PDE3A: variants seen among roughly 807,000 people sequenced by gnomAD.
PDE3A encodes the protein cGMP-inhibited 3',5'-cyclic phosphodiesterase 3A.
In PDE3A, 43 loss-of-function variants were observed where a neutral mutation model predicts 98.3. The observed-to-expected ratio is 0.44, with a 90% confidence interval of 0.34 to 0.56. The LOEUF is 0.56. Among genes scored for constraint, PDE3A ranks in the 20% least tolerant of loss-of-function variants. PDE3A has a pLI of 0.01. For synonymous variants in PDE3A, 663 were observed against 567.9 expected (o/e 1.17, Z -2.38); for missense variants, 1,427 against 1,440.7 (o/e 0.99, Z 0.15).
chr12:20,408,487 G>C (rs2120696161), intron 1 of PDE3A, among the ~76,000 whole-genome samples: 1 of 152,206 alleles, frequency 6.6e-6, no homozygotes. Flanking sequence ...ATTAAGGACA[G>C]CACTTCACAG....
intron 1 of PDE3A, among the ~76,000 whole-genome samples, chr12:20,519,533 T>C (rs1024934734): frequency 2.0e-5 from 3 of 152,362 alleles, no homozygotes; most frequent in African/African-American, 4.8e-5. Context: ...TTGATGTATA[T>C]ATTCATTAAG....
At position 20,646,929 on chromosome 12, in the gene PDE3A, G is replaced by C; in HGVS notation, c.2544G>C (p.Leu848=). The part of the protein sequence containing the change: ...YDHPGRTNAF[L]VATSAPQAVL... Reference sequence around the variant, plus strand: ...ATCCAGGAAGGACTAATGCTTTCCTGGTTGCAACTAGTGCTCCTCAGGTAA... The same window carrying C: ...ATCCAGGAAGGACTAATGCTTTCCTCGTTGCAACTAGTGCTCCTCAGGTAA... Residue 848 remains leucine (L), a synonymous_variant, in exon 12 of 16, where the codon CTG becomes CTC. Coordinates refer to ENST00000359062, the MANE Select transcript of PDE3A (RefSeq NM_000921.5). 1 of 1,613,344 alleles carries C rather than the reference G, an allele frequency of 6.2e-7. No homozygotes were observed. The highest frequency in any genetic ancestry group is 8.5e-7 in the Non-Finnish European group (1 of 1,179,330).
intron 7 of PDE3A, among the ~76,000 whole-genome samples, chr12:20,634,313 G>C (rs1476344387): frequency 1.3e-5 from 2 of 152,188 alleles, no homozygotes; most frequent in South Asian, 2.1e-4. Flanking sequence ...CAGTTGCTCA[G>C]AGAGGATAGA....
At chr12:20,374,697 G>T (rs187974060) in intron 1 of PDE3A, among the ~76,000 whole-genome samples, 17 of 151,978 alleles carry the variant, frequency 1.1e-4, no homozygotes, top group Non-Finnish European at 2.2e-4. Context: ...ATTCTGTCAA[G>T]GTAGGATGTT....
intron 1 of PDE3A, among the ~76,000 whole-genome samples, chr12:20,384,362 G>A (rs1462780718): frequency 6.6e-6 from 1 of 151,704 alleles, no homozygotes; most frequent in South Asian, 2.1e-4. Context: ...AACGTTTTGT[G>A]TAATAAAAGT....
At chr12:20,649,993 T>G (rs1944877648) in intron 13 of PDE3A, among the ~76,000 whole-genome samples, 1 of 152,148 alleles carries the variant, frequency 6.6e-6, no homozygotes, top group African/African-American at 2.4e-5. Flanking sequence ...GCTAATTCAA[T>G]AATTAATGAT....
chr12:20,650,652 G>C (rs764586361), intron 14 of PDE3A, 52 bp downstream of exon 14: 1 of 1,174,384 alleles, frequency 8.5e-7, no homozygotes, highest in Non-Finnish European at 1.2e-6. Context: ...GGTTGCTCAT[G>C]AATTGCTCAA....
intron 1 of PDE3A, among the ~76,000 whole-genome samples, chr12:20,397,529 G>A (rs1329408935): frequency 6.6e-6 from 1 of 151,852 alleles, no homozygotes; most frequent in East Asian, 1.9e-4. Flanking sequence ...AATATATTGT[G>A]TAAGTATACA....
At chr12:20,466,735 A>G (rs1945345431) in intron 1 of PDE3A, among the ~76,000 whole-genome samples, 1 of 152,228 alleles carries the variant, frequency 6.6e-6, no homozygotes, top group South Asian at 2.1e-4. Context: ...AAGTATGACT[A>G]TATAATTGTG....
intron 1 of PDE3A, among the ~76,000 whole-genome samples, chr12:20,501,151 C>T (rs949675999): frequency 2.0e-5 from 3 of 152,152 alleles, no homozygotes; most frequent in Admixed American, 6.6e-5. Flanking sequence ...ATTCATGGTT[C>T]AGGCATACAA....
chr12:20,459,635 A>T (rs1229608902), intron 1 of PDE3A, among the ~76,000 whole-genome samples: 1 of 152,202 alleles, frequency 6.6e-6, no homozygotes, highest in East Asian at 1.9e-4. Context: ...GTGTACATTC[A>T]TACATATACA....
intron 1 of PDE3A, among the ~76,000 whole-genome samples, chr12:20,370,567 C>G (rs939360982): frequency 6.6e-6 from 1 of 152,040 alleles, no homozygotes; most frequent in East Asian, 1.9e-4. Flanking sequence ...CTTGCCTACT[C>G]TTTTCAGTAC....
chr12:20,401,456 G>C (rs1296858764), intron 1 of PDE3A, among the ~76,000 whole-genome samples: 1 of 152,020 alleles, frequency 6.6e-6, no homozygotes, highest in African/African-American at 2.4e-5. Context: ...ATTTTAAACT[G>C]CTACTGCCTT....
chr12:20,374,462 C>T (rs1229810329), intron 1 of PDE3A, among the ~76,000 whole-genome samples: 1 of 151,940 alleles, frequency 6.6e-6, no homozygotes, highest in Non-Finnish European at 1.5e-5. Context: ...AGAACAGTGA[C>T]TCTGTGTATG....
chr12:20,453,862 A>G (rs1945110489), intron 1 of PDE3A, among the ~76,000 whole-genome samples: 1 of 152,138 alleles, frequency 6.6e-6, no homozygotes. Flanking sequence ...CACAGTTACC[A>G]TCATCTGTTG....
chr12:20,634,048 C>A (rs1944445078), intron 7 of PDE3A, among the ~76,000 whole-genome samples: 1 of 152,112 alleles, frequency 6.6e-6, no homozygotes, highest in African/African-American at 2.4e-5. Context: ...AAATTAAAAT[C>A]ATCTGTACTC....
chr12:20,453,190 T>TC (rs1212569664), intron 1 of PDE3A, among the ~76,000 whole-genome samples: 8 of 151,312 alleles, frequency 5.3e-5, no homozygotes, highest in African/African-American at 1.9e-4. Context: ...TTTTTTTTTT[T>TC]TGAGACTGAG....
In PDE3A at chr12:20,686,034, C is replaced by CAT. The variant is rs1289679768; in HGVS notation, c.*5765_*5766dup. Among the ~76,000 whole-genome samples the CAT allele has an allele frequency of 6.6e-6, 1 of 152,096 alleles. No individual in the cohort carries two copies. The highest frequency in any genetic ancestry group is 1.5e-5 in the Non-Finnish European group (1 of 67,994). On this transcript the variant is annotated 3_prime_UTR_variant, in exon 16 of 16. Coordinates refer to ENST00000359062, the MANE Select transcript of PDE3A (RefSeq NM_000921.5). Reference sequence around the variant, plus strand: ...CATTCCGTGGTACTGAGTATTTTCACATAATCAGAACTGTAAACTACTGAT... The same window carrying CAT: ...CATTCCGTGGTACTGAGTATTTTCACATATAATCAGAACTGTAAACTACTGAT...
intron 8 of PDE3A, among the ~76,000 whole-genome samples, chr12:20,636,518 A>G (rs1944517592): frequency 3.3e-5 from 5 of 152,178 alleles, no homozygotes; most frequent in Admixed American, 3.3e-4. Flanking sequence ...TTCTCAAGAA[A>G]CAGTAGGTCA....
Sources: allele counts gnomAD v4.1 joint callset (sites outside exome capture counted in the v4.1 genomes callset), GRCh38; gene constraint gnomAD v4.1.1; transcripts MANE v1.5; gene names NCBI Gene and HGNC (gene_info 2026-07-23, HGNC 2026-07-21).